The following TMEM219 variants were observed in gnomAD, a reference collection of about 807,000 sequenced individuals.
TMEM219 encodes the protein transmembrane protein 219.
Under a neutral mutation model 17.9 loss-of-function variants are expected in TMEM219, and 18 were observed. The observed-to-expected ratio is 1.01, with a 90% confidence interval of 0.70 to 1.49. TMEM219 has a LOEUF of 1.49. Among genes scored for constraint, TMEM219 ranks in the 40% most tolerant of loss-of-function variants. TMEM219 has a pLI of 0.00. For synonymous variants in TMEM219, 113 were observed against 124.0 expected, an observed-to-expected ratio of 0.91 and a Z score of 0.59; for missense variants, 288 against 292.4, an observed-to-expected ratio of 0.99 and a Z score of 0.11.
rs1017302866 is a variant in TMEM219 at position 29,962,857 on chromosome 16, C to G, written c.-37-250C>G. 3 of 434,006 alleles carry G rather than the reference C, an allele frequency of 6.9e-6. No homozygotes were observed. In the Admixed American group the frequency reaches 1.1e-4, roughly 16 times the overall value. 26.9% of individuals were successfully genotyped at this position (434,006 alleles called of 1,614,324 possible). ...CTGTTTCTCCAGCTGAGAAGTCTCC[C>G]TTTCAGTTTCCTTCTTCCAGCACGG... is the stretch of plus-strand genomic sequence containing the variant. On this transcript the variant is annotated intron_variant, in intron 1 of 5. Coordinates refer to ENST00000279396, the MANE Select transcript of TMEM219 (RefSeq NM_001083613.2).
chr16:29,963,387 C>G lies in TMEM219; in HGVS notation c.166-13C>G, dbSNP rs1277679753. 1 of 1,613,716 alleles carries G rather than the reference C, an allele frequency of 6.2e-7. No individual in the cohort carries two copies. The highest frequency in any genetic ancestry group is 2.2e-5 in the East Asian group (1 of 44,888). On this transcript the variant is annotated splice_polypyrimidine_tract_variant and intron_variant, in intron 2 of 5. Coordinates refer to ENST00000279396, the MANE Select transcript of TMEM219 (RefSeq NM_001083613.2). ...CTGCTAATCTCATCTCACCCGTCTT[C>G]TTTTGCTCACAGGACTGGGTCTCTT...
chr16:29,968,518 T>A, intron 4 of TMEM219: 1 of 390,052 alleles, frequency 2.6e-6, no homozygotes, highest in Non-Finnish European at 4.6e-6. Context: ...GCACATTGCC[T>A]GGGACATAGA....
chr16:29,963,670 G>A, intron 3 of TMEM219, 81 bp downstream of exon 3: 2 of 1,350,834 alleles, frequency 1.5e-6, no homozygotes, highest in Non-Finnish European at 2.0e-6. Flanking sequence ...ATCATTTGAG[G>A]TCAGGAGTTC....
intron 5 of TMEM219, among the ~76,000 whole-genome samples, chr16:29,972,624 G>C (rs867960407): frequency 6.6e-6 from 1 of 152,224 alleles, no homozygotes; most frequent in Admixed American, 6.5e-5. Flanking sequence ...AGTGGAAATA[G>C]TTGAGGCCCA....
intron 4 of TMEM219, among the ~76,000 whole-genome samples, chr16:29,970,579 C>T (rs930079642): frequency 3.3e-5 from 5 of 151,988 alleles, no homozygotes; most frequent in African/African-American, 1.2e-4. Flanking sequence ...CCACCTCGGC[C>T]TCTCAAAGTG....
chr16:29,968,580 C>G, intron 4 of TMEM219: 1 of 232,754 alleles, frequency 4.3e-6, no homozygotes, highest in South Asian at 8.7e-5. Flanking sequence ...AAAACATTCT[C>G]TCTACTTCAA....
chr16:29,964,820 A>T (rs2069193065), intron 3 of TMEM219, among the ~76,000 whole-genome samples: 1 of 152,188 alleles, frequency 6.6e-6, no homozygotes, highest in African/African-American at 2.4e-5. Flanking sequence ...TTCTGTGATT[A>T]GGGCTTTCAG....
At chr16:29,971,645 T>G in intron 5 of TMEM219, 67 bp downstream of exon 5, 3 of 1,461,998 alleles carry the variant, frequency 2.1e-6, no homozygotes, top group Non-Finnish European at 1.9e-6. Flanking sequence ...GTAACCGGGG[T>G]AGAGCAGATC....
chr16:29,972,609 G>A (rs547057502), intron 5 of TMEM219, among the ~76,000 whole-genome samples: 1 of 152,326 alleles, frequency 6.6e-6, no homozygotes, highest in East Asian at 1.9e-4. Flanking sequence ...AGTTACTATG[G>A]GAAAAGTGGA....
intron 4 of TMEM219, among the ~76,000 whole-genome samples, chr16:29,969,048 G>A (rs1452649370): frequency 1.3e-5 from 2 of 152,122 alleles, no homozygotes; most frequent in African/African-American, 2.4e-5. Context: ...ACCAGCATGC[G>A]CACAGGCCTA....
At chr16:29,968,563 T>C in intron 4 of TMEM219, 1 of 270,140 alleles carries the variant, frequency 3.7e-6, no homozygotes, top group Non-Finnish European at 7.1e-6. Context: ...TGTTTACTAT[T>C]GTCTTTAAAA....
At position 29,963,555 on chromosome 16, in the gene TMEM219, G is replaced by A. The variant is rs1596575452; in HGVS notation, c.321G>A (p.Gln107=). The change falls in exon 3 of 6, where the codon CAG becomes CAA. Residue 107 remains glutamine (Q), a synonymous_variant. Transcript: ENST00000279396. ...ACAGGAACAAGACCCGGACATTCCA[G>A]GCCACAGTCCTGGGAAGTCAGATGG... The part of the protein sequence containing the change: ...GPDRNKTRTF[Q]ATVLGSQMGL... 1.9e-6 allele frequency: 3 copies of A among 1,614,120 alleles called. No homozygotes were observed. Among genetic ancestry groups the A allele is most frequent in the Non-Finnish European group, 2.5e-6 (3 of 1,180,044 alleles).
intron 3 of TMEM219, among the ~76,000 whole-genome samples, chr16:29,966,557 T>C (rs1248839940): frequency 6.6e-6 from 1 of 152,154 alleles, no homozygotes; most frequent in African/African-American, 2.4e-5. Context: ...GGCTCATTCC[T>C]ATAATCCCAG....
Position 29,965,564 on chromosome 16 carries a change from CAAAAAAAAAA to C in TMEM219, c.355+1986_355+1995del, listed in dbSNP as rs35045736. Among the ~76,000 whole-genome samples the C allele has an allele frequency of 6.0e-5, 5 of 82,846 alleles. No individual in the cohort carries two copies. The East Asian group carries it at 1.9e-3, about 31-fold the overall frequency. 54.4% of individuals were successfully genotyped at this position (82,846 alleles called of 152,430 possible). Reference sequence around the variant, plus strand: ...CAAGACTCTGTCTCTACTAAAAATACAAAAAAAAAAAAAAAAAAAAGCCAGGCGTGGTGGT... The same window carrying C: ...CAAGACTCTGTCTCTACTAAAAATACAAAAAAAAAAGCCAGGCGTGGTGGT... On this transcript the variant is annotated intron_variant, in intron 3 of 5. Transcript: ENST00000279396.
intron 3 of TMEM219, among the ~76,000 whole-genome samples, chr16:29,967,297 G>A (rs914734435): frequency 1.3e-5 from 2 of 152,036 alleles, no homozygotes; most frequent in African/African-American, 4.8e-5. Flanking sequence ...AAAACACCTG[G>A]TATTATAGAA....
intron 1 of TMEM219, 28 bp from the exon 2 acceptor site, chr16:29,963,079 T>G (rs897438555): frequency 1.9e-6 from 3 of 1,572,080 alleles, no homozygotes; most frequent in Non-Finnish European, 2.6e-6. Flanking sequence ...GCGGTGCTCT[T>G]GTCCCATTCT....
intron 4 of TMEM219, among the ~76,000 whole-genome samples, chr16:29,970,278 G>A (rs1158395960): frequency 6.6e-6 from 1 of 151,020 alleles, no homozygotes; most frequent in Non-Finnish European, 1.5e-5. Flanking sequence ...CACAACCTGG[G>A]ACTTGGAATC....
At chr16:29,964,803 T>C (rs1034243786) in intron 3 of TMEM219, among the ~76,000 whole-genome samples, 1 of 152,210 alleles carries the variant, frequency 6.6e-6, no homozygotes, top group Non-Finnish European at 1.5e-5. Flanking sequence ...CCCTGGACTT[T>C]AGTCACTTCT....
chr16:29,969,394 A>C (rs566644198), intron 4 of TMEM219, among the ~76,000 whole-genome samples: 5 of 151,626 alleles, frequency 3.3e-5, no homozygotes, highest in African/African-American at 4.8e-5. Flanking sequence ...ACAGGGTTTC[A>C]CCTTGTTAGC....
Sources: allele counts gnomAD v4.1 joint callset (sites outside exome capture counted in the v4.1 genomes callset), GRCh38; gene constraint gnomAD v4.1.1; transcripts MANE v1.5; gene names NCBI Gene and HGNC (gene_info 2026-07-23, HGNC 2026-07-21).